The following PTP4A1 variants were observed in gnomAD, a reference collection of about 807,000 sequenced individuals.
PTP4A1 encodes protein tyrosine phosphatase 4A1.
A neutral mutation model predicts 20.5 loss-of-function variants in PTP4A1; 9 were observed. The ratio of observed to expected loss-of-function variants is 0.44; its 90% CI spans 0.26 to 0.77. PTP4A1 has a LOEUF of 0.77. Ranked by LOEUF, PTP4A1 falls within the 30% of genes least tolerant of loss-of-function variation. The pLI is 0.19. For synonymous variants in PTP4A1, 78 were observed against 67.4 expected (o/e 1.16, Z -0.77); for missense variants, 137 against 218.8 (o/e 0.63, Z 2.36).
chr6:63,543,926 T>C (rs1023738955), intron 2 of PTP4A1, among the ~76,000 whole-genome samples: 2 of 152,228 alleles, frequency 1.3e-5, no homozygotes, highest in Admixed American at 6.5e-5. Context: ...ATTCTGTTTT[T>C]AAGAGTTGTT....
At chr6:63,541,735 G>T (rs1010872857) in intron 2 of PTP4A1, among the ~76,000 whole-genome samples, 1 of 152,034 alleles carries the variant, frequency 6.6e-6, no homozygotes, top group Non-Finnish European at 1.5e-5. Context: ...CATTAAAAAA[G>T]ATGCATTTAT....
At chr6:63,573,140 C>G (rs1777588038) in intron 1 of PTP4A1, 1 of 158,370 alleles carries the variant, frequency 6.3e-6, no homozygotes, top group African/African-American at 2.4e-5. Context: ...GCATGGCAGG[C>G]TCCGCGGCGT....
intron 2 of PTP4A1, among the ~76,000 whole-genome samples, chr6:63,536,288 C>T (rs1775723225): frequency 1.3e-5 from 2 of 152,118 alleles, no homozygotes; most frequent in South Asian, 4.1e-4. Context: ...TGAAATCCTG[C>T]CACTGCACTC....
At chr6:63,547,760 C>A (rs529874324) in intron 2 of PTP4A1, among the ~76,000 whole-genome samples, 1 of 151,696 alleles carries the variant, frequency 6.6e-6, no homozygotes, top group African/African-American at 2.4e-5. Context: ...ATCCACCCCC[C>A]TCGGCCTCCC....
At chr6:63,547,654 C>T (rs1229743111) in intron 2 of PTP4A1, among the ~76,000 whole-genome samples, 1 of 151,352 alleles carries the variant, frequency 6.6e-6, no homozygotes, top group African/African-American at 2.4e-5. Flanking sequence ...TACAGGTGCC[C>T]ACCACCACGC....
At chr6:63,557,895 C>CT (rs961953033) in intron 3 of PTP4A1, among the ~76,000 whole-genome samples, 160 of 144,852 alleles carry the variant, frequency 1.1e-3, no homozygotes, top group South Asian at 2.2e-3. Flanking sequence ...TGAACATATG[C>CT]TTTTTTTTTT....
chr6:63,574,618 A>G (rs952114644), intron 1 of PTP4A1, among the ~76,000 whole-genome samples: 21 of 152,344 alleles, frequency 1.4e-4, no homozygotes, highest in Admixed American at 2.6e-4. Context: ...GTTGTAGCCG[A>G]CAGGAGTTTT....
At chr6:63,536,636 G>T (rs1277319569) in intron 2 of PTP4A1, among the ~76,000 whole-genome samples, 1 of 152,090 alleles carries the variant, frequency 6.6e-6, no homozygotes, top group African/African-American at 2.4e-5. Context: ...TGTAACATTT[G>T]TGTCAGTCGC....
At position 63,581,351 on chromosome 6, in the gene PTP4A1, G is replaced by A. The variant is rs1457195205; in HGVS notation, c.*1177G>A. On this transcript the variant is annotated 3_prime_UTR_variant, in exon 6 of 6. Coordinates refer to ENST00000626021, the MANE Select transcript of PTP4A1 (RefSeq NM_003463.5). ...TATTTATACTGTCTGGGGATGTGTG[G>A]TTATAGTTCTGTGGGAGAAATAATT... 1.3e-5 allele frequency: 2 copies of A among 152,562 alleles called. No individual in the cohort carries two copies. The highest frequency in any genetic ancestry group is 2.9e-5 in the Non-Finnish European group (2 of 67,994). The allele number at this position is 152,562 out of a possible 1,614,324, so 9.5% of individuals were successfully genotyped here.
chr6:63,565,286 G>A (rs568562280), intron 3 of PTP4A1, among the ~76,000 whole-genome samples: 53 of 151,884 alleles, frequency 3.5e-4, no homozygotes, highest in African/African-American at 1.1e-3. Flanking sequence ...TATATTAAGC[G>A]GCAGAGTTAC....
intron 3 of PTP4A1, 124 bp downstream of exon 3, chr6:63,578,653 ATAT>A (rs1778028870): frequency 1.5e-6 from 2 of 1,344,886 alleles, no homozygotes; most frequent in East Asian, 2.7e-5. Flanking sequence ...AACAAATATT[ATAT>A]TATTGTGCAG....
intron 3 of PTP4A1, among the ~76,000 whole-genome samples, chr6:63,554,008 A>G (rs1006502673): frequency 6.6e-6 from 1 of 152,218 alleles, no homozygotes; most frequent in Non-Finnish European, 1.5e-5. Flanking sequence ...TCCAATTACC[A>G]GTCTAGAAAT....
chr6:63,563,091 C>T (rs6936079), intron 3 of PTP4A1, among the ~76,000 whole-genome samples: 11,434 of 152,306 alleles, frequency 0.075, 478 homozygotes, highest in East Asian at 0.16. Flanking sequence ...TCAACACCAA[C>T]ATTGTCTTCC....
At chr6:63,549,198 G>A in intron 2 of PTP4A1, 1 of 703,754 alleles carries the variant, frequency 1.4e-6, no homozygotes, top group East Asian at 2.6e-5. Flanking sequence ...CTTAGTCTCT[G>A]ATCTGTACTT....
chr6:63,579,811 G>T (rs919028636), intron 5 of PTP4A1, among the ~76,000 whole-genome samples: 2 of 152,102 alleles, frequency 1.3e-5, no homozygotes, highest in Admixed American at 1.3e-4. Context: ...GTGGACTTAC[G>T]TGTAAATGGA....
At chr6:63,566,346 G>T (rs961788877) in intron 3 of PTP4A1, among the ~76,000 whole-genome samples, 4 of 152,198 alleles carry the variant, frequency 2.6e-5, no homozygotes, top group African/African-American at 7.2e-5. Flanking sequence ...TAGCCAGGGG[G>T]TGAGGGGATG....
intron 2 of PTP4A1, among the ~76,000 whole-genome samples, chr6:63,547,819 GA>G (rs1184383560): frequency 6.6e-6 from 1 of 151,922 alleles, no homozygotes; most frequent in East Asian, 1.9e-4. Flanking sequence ...CCCAGGGGGG[GA>G]TTTGTTAATG....
At chr6:63,556,730 G>A (rs1776703062) in intron 3 of PTP4A1, among the ~76,000 whole-genome samples, 1 of 152,144 alleles carries the variant, frequency 6.6e-6, no homozygotes, top group Non-Finnish European at 1.5e-5. Context: ...GTCAGTTCTT[G>A]TTATTCATTT....
intron 2 of PTP4A1, among the ~76,000 whole-genome samples, chr6:63,540,540 GA>G (rs1183438761): frequency 3.3e-5 from 5 of 152,036 alleles, no homozygotes; most frequent in Admixed American, 1.3e-4. Flanking sequence ...AGAATCGCTT[GA>G]ACCCAGGAGG....
Sources: gnomAD v4.1 joint callset for allele counts (sites outside exome capture counted in the v4.1 genomes callset) on GRCh38, gnomAD v4.1.1 for gene constraint, MANE v1.5 for transcripts, NCBI Gene and HGNC (gene_info 2026-07-23, HGNC 2026-07-21) for gene names.